Variants in NDST3 observed in about 807,000 individuals in gnomAD.
NDST3 encodes the protein N-deacetylase and N-sulfotransferase 3, also known as bifunctional heparan sulfate N-deacetylase/N-sulfotransferase 3.
In NDST3, 58 loss-of-function variants were observed where a neutral mutation model predicts 96.1. The ratio of observed to expected loss-of-function variants is 0.60; its 90% CI spans 0.49 to 0.75. The LOEUF (loss-of-function observed/expected upper bound fraction) is 0.75. Among genes scored for constraint, NDST3 ranks in the 30% least tolerant of loss-of-function variants. NDST3 has a pLI of 0.00. For missense variants in NDST3, 788 were observed against 1,034.2 expected, an observed-to-expected ratio of 0.76 and a Z score of 3.27; for synonymous variants, 333 against 359.7, an observed-to-expected ratio of 0.93 and a Z score of 0.84.
chr4:118,105,046 G>T lies in NDST3; in HGVS notation c.1010G>T (p.Arg337Leu). Residue 337 changes from arginine (R) to leucine (L), a missense_variant, in exon 3 of 14, where the codon CGT becomes CTT. By Grantham distance (102) the Arg-to-Leu change is moderately radical. Around this residue, in one of 3 missense-constraint regions of NDST3, gnomAD observed 490 missense variants for 708.8 expected, o/e 0.69. Coordinates refer to ENST00000296499, the MANE Select transcript of NDST3 (RefSeq NM_004784.3). ...CTGCTTGATACTCAGAATCTTTTGC[G>T]TGCACAAATCACAAATTTTACATTC... ...KALLDTQNLL[R>L]AQITNFTFNL... 6.2e-7 allele frequency: 1 copy of T among 1,612,978 alleles called. No individual in the cohort carries two copies. Among genetic ancestry groups the T allele is most frequent in the Non-Finnish European group, 8.5e-7 (1 of 1,179,442 alleles).
At chr4:118,109,989 G>A (rs1046036780) in intron 3 of NDST3, among the ~76,000 whole-genome samples, 1 of 152,126 alleles carries the variant, frequency 6.6e-6, no homozygotes, top group African/African-American at 2.4e-5. Context: ...CACTTTTCAT[G>A]TACTTTTTCA....
intron 2 of NDST3, among the ~76,000 whole-genome samples, chr4:118,059,636 A>G (rs1478067558): frequency 2.0e-5 from 2 of 101,892 alleles, no homozygotes; most frequent in African/African-American, 6.1e-5. Flanking sequence ...CACCACGAAT[A>G]TTCACCACCC....
intron 6 of NDST3, among the ~76,000 whole-genome samples, chr4:118,202,193 A>G (rs1738134376): frequency 6.6e-6 from 1 of 152,122 alleles, no homozygotes; most frequent in East Asian, 1.9e-4. Context: ...GTAGCCTTAT[A>G]GTAGTAGTGT....
intron 6 of NDST3, among the ~76,000 whole-genome samples, chr4:118,220,455 TG>T (rs1281063380): frequency 6.6e-6 from 1 of 150,972 alleles, no homozygotes; most frequent in Admixed American, 6.6e-5. Flanking sequence ...AGTTAGGGGA[TG>T]GGGGGCTAGG....
intron 2 of NDST3, among the ~76,000 whole-genome samples, chr4:118,078,063 G>C (rs1727707526): frequency 6.6e-6 from 1 of 152,190 alleles, no homozygotes; most frequent in Non-Finnish European, 1.5e-5. Flanking sequence ...GCATGGAGGA[G>C]AGCCAGGGGA....
chr4:118,076,676 T>C (rs1727562905), intron 2 of NDST3, among the ~76,000 whole-genome samples: 1 of 152,198 alleles, frequency 6.6e-6, no homozygotes, highest in Non-Finnish European at 1.5e-5. Flanking sequence ...ACGGCTGTTT[T>C]ATCTTTTGGA....
chr4:118,173,154 G>GTGTGTGTA (rs61694736), intron 6 of NDST3, among the ~76,000 whole-genome samples: 11 of 114,476 alleles, frequency 9.6e-5, no homozygotes, highest in Non-Finnish European at 2.3e-4. Context: ...GTGTGTGTGT[G>GTGTGTGTA]TATATATATA....
intron 2 of NDST3, among the ~76,000 whole-genome samples, chr4:118,101,001 T>C (rs1431774666): frequency 6.6e-6 from 1 of 152,174 alleles, no homozygotes; most frequent in East Asian, 1.9e-4. Flanking sequence ...TGATTGACTA[T>C]AAAATATTAA....
At chr4:118,131,894 T>C (rs180989422) in intron 4 of NDST3, among the ~76,000 whole-genome samples, 37 of 152,188 alleles carry the variant, frequency 2.4e-4, no homozygotes, top group Middle Eastern at 3.4e-3. Flanking sequence ...TTCCCTTAGT[T>C]TCTCCCAAAC....
chr4:118,223,456 C>T (rs1395985806), intron 6 of NDST3, among the ~76,000 whole-genome samples: 2 of 151,886 alleles, frequency 1.3e-5, no homozygotes, highest in Non-Finnish European at 2.9e-5. Context: ...TGTAAAAGTT[C>T]AAAGATTTAA....
chr4:118,098,577 A>G (rs1323765017), intron 2 of NDST3, among the ~76,000 whole-genome samples: 1 of 152,024 alleles, frequency 6.6e-6, no homozygotes, highest in Non-Finnish European at 1.5e-5. Context: ...TCACCGCTGT[A>G]ATTTAGAGGT....
intron 2 of NDST3, among the ~76,000 whole-genome samples, chr4:118,067,645 G>C (rs995356320): frequency 1.3e-5 from 2 of 152,086 alleles, no homozygotes; most frequent in Non-Finnish European, 2.9e-5. Flanking sequence ...AAGGATGCCA[G>C]TGGCAAGAGG....
At chr4:118,224,446 T>G in intron 6 of NDST3, 45 bp from the exon 7 acceptor site, 1 of 1,541,782 alleles carries the variant, frequency 6.5e-7, no homozygotes, top group East Asian at 2.3e-5. Context: ...CCCTCTAGTG[T>G]CAAAATAAAT....
chr4:118,053,800 C>A lies in NDST3; in HGVS notation c.-111C>A. ...CTGATCAAGTGATACAAATGAGCTG[C>A]AATGGTGACATAAACTCTTGACAGA... On this transcript the variant is annotated 5_prime_UTR_variant, in exon 2 of 14. An upstream open reading frame in the 5' UTR gains an earlier in-frame stop. Transcript: ENST00000296499. The A allele has an allele frequency of 8.7e-7, 1 of 1,151,422 alleles. No homozygotes were observed. The highest frequency in any genetic ancestry group is 1.2e-6 in the Non-Finnish European group (1 of 819,826). 71.3% of individuals were successfully genotyped at this position (1,151,422 alleles called of 1,614,324 possible).
intron 8 of NDST3, among the ~76,000 whole-genome samples, chr4:118,231,745 T>C (rs1251968996): frequency 1.3e-5 from 2 of 152,190 alleles, no homozygotes; most frequent in African/African-American, 2.4e-5. Flanking sequence ...GAAATACTTT[T>C]ATATTATGAT....
intron 12 of NDST3, among the ~76,000 whole-genome samples, chr4:118,246,136 G>C (rs1286555340): frequency 6.6e-6 from 1 of 152,128 alleles, no homozygotes; most frequent in East Asian, 1.9e-4. Flanking sequence ...AGGTGCACTG[G>C]ATGTCACTTT....
At chr4:118,171,666 C>A (rs1362445294) in intron 6 of NDST3, among the ~76,000 whole-genome samples, 1 of 152,122 alleles carries the variant, frequency 6.6e-6, no homozygotes, top group Non-Finnish European at 1.5e-5. Flanking sequence ...AGTGTATTTG[C>A]CCCTGATGTT....
At chr4:118,086,736 G>A (rs542051519) in intron 2 of NDST3, among the ~76,000 whole-genome samples, 3 of 152,142 alleles carry the variant, frequency 2.0e-5, no homozygotes, top group South Asian at 2.1e-4. Flanking sequence ...TGCTTTCATC[G>A]GTTTGGGTAA....
At chr4:118,122,576 A>G (rs1731694066) in intron 4 of NDST3, among the ~76,000 whole-genome samples, 1 of 152,056 alleles carries the variant, frequency 6.6e-6, no homozygotes, top group African/African-American at 2.4e-5. Context: ...CACCTAGATT[A>G]TTGCAGCAGC....
Sources: gnomAD v4.1 joint callset for allele counts (sites outside exome capture counted in the v4.1 genomes callset) on GRCh38, gnomAD v4.1.1 for gene constraint, gnomAD v4.1.1 regional missense constraint, MANE v1.5 for transcripts, NCBI Gene and HGNC (gene_info 2026-07-23, HGNC 2026-07-21) for gene names.